The following BTBD3 variants were observed in gnomAD, a reference collection of about 807,000 sequenced individuals.
The protein encoded by BTBD3 is BTB domain containing 3, also known as BTB/POZ domain-containing protein 3.
In BTBD3, 14 loss-of-function variants were observed where a neutral mutation model predicts 41.6. The observed-to-expected ratio is 0.34, with a 90% CI of 0.22 to 0.53. The LOEUF (loss-of-function observed/expected upper bound fraction) is 0.53. Among genes scored for constraint, BTBD3 ranks in the 20% least tolerant of loss-of-function variants. The pLI, the probability that BTBD3 is intolerant of heterozygous loss-of-function variation, is 0.95. For missense variants in BTBD3, 426 were observed against 654.7 expected, an observed-to-expected ratio of 0.65 and a Z score of 3.81; for synonymous variants, 249 against 233.7, an observed-to-expected ratio of 1.07 and a Z score of -0.60.
intron 1 of BTBD3, among the ~76,000 whole-genome samples, chr20:11,900,925 A>C (rs560753668): frequency 3.0e-4 from 46 of 151,870 alleles, no homozygotes; most frequent in African/African-American, 1.1e-3. Context: ...GTTAGCCAGG[A>C]TGGTCTCGAT....
At chr20:11,921,889 AGT>A (rs1200403425) in intron 3 of BTBD3, among the ~76,000 whole-genome samples, 1 of 152,204 alleles carries the variant, frequency 6.6e-6, no homozygotes, top group Non-Finnish European at 1.5e-5. Flanking sequence ...TCTCCCAAAA[AGT>A]GTATCCTGTG....
chr20:11,911,079 A>G (rs559714100), intron 1 of BTBD3, among the ~76,000 whole-genome samples: 76 of 152,174 alleles, frequency 5.0e-4, no homozygotes, highest in Non-Finnish European at 9.1e-4. Flanking sequence ...ATTTTACCGT[A>G]TTTCACTGAC....
At chr20:11,897,970 C>T in intron 1 of BTBD3, among the ~76,000 whole-genome samples, 1 of 152,042 alleles carries the variant, frequency 6.6e-6, no homozygotes, top group Non-Finnish European at 1.5e-5. Context: ...CCAGCCCGGC[C>T]AACATGGTGA....
At chr20:11,919,230 T>C in intron 2 of BTBD3, 54 bp downstream of exon 2, 1 of 1,528,730 alleles carries the variant, frequency 6.5e-7, no homozygotes, top group Non-Finnish European at 9.0e-7. Context: ...AGAGGGACCC[T>C]TTCCATAAGC....
intron 1 of BTBD3, among the ~76,000 whole-genome samples, chr20:11,893,041 A>G (rs2056765808): frequency 6.8e-6 from 1 of 147,968 alleles, no homozygotes. Context: ...GCATCCAAAG[A>G]TCAATTTGAA....
chr20:11,904,218 TG>T (rs1243525092), intron 1 of BTBD3, among the ~76,000 whole-genome samples: 2 of 152,130 alleles, frequency 1.3e-5, no homozygotes, highest in Non-Finnish European at 2.9e-5. Flanking sequence ...GAAGCATGGC[TG>T]GGGGTGGTGC....
intron 1 of BTBD3, among the ~76,000 whole-genome samples, chr20:11,911,308 G>T (rs1019828021): frequency 6.6e-6 from 1 of 152,136 alleles, no homozygotes; most frequent in Admixed American, 6.6e-5. Context: ...TTGGGTATTG[G>T]TCATAATCAT....
rs759996580 is a variant in BTBD3, at chr20:11,923,304, A to G, written c.1207A>G (p.Lys403Glu). The change falls in exon 4 of 4, where the codon AAA becomes GAA. Residue 403 changes from lysine to glutamate, a missense_variant. Lys to Glu is a moderately conservative substitution (Grantham distance 56). Transcript: ENST00000378226. The surrounding 1 kb of genome is among the most constrained non-coding windows in gnomAD (Gnocchi z 5.3). ...RCDSIQFAVD[K>E]RVFIAGFGLY... is the part of the protein sequence containing the mutation. The stretch of plus-strand genomic sequence containing the variant: ...TGACAGCATCCAGTTTGCAGTTGAT[A>G]AAAGAGTGTTCATTGCTGGCTTTGG... The G allele has an allele frequency of 6.2e-7, 1 of 1,614,226 alleles. No homozygotes were observed.
Position 11,923,731 on chromosome 20 carries a change from T to TA in BTBD3, c.*66dup, listed in dbSNP as rs372478761. 2.1e-4 allele frequency: 304 copies of TA among 1,424,256 alleles called. No homozygotes were observed. In the African/African-American group the frequency reaches 3.7e-3, roughly 17 times the overall value. 88.2% of individuals were successfully genotyped at this position (1,424,256 alleles called of 1,614,324 possible). On this transcript the variant is annotated 3_prime_UTR_variant, in exon 4 of 4. Transcript: ENST00000378226. The surrounding 1 kb of genome is among the most constrained non-coding windows in gnomAD (Gnocchi z 5.3). ...ATCTGGTTCCAACTTGCCTGATGCT[T>TA]AGCTCATCTGCAAATATGTGATCAG...
chr20:11,906,295 C>T (rs1003688661), intron 1 of BTBD3, among the ~76,000 whole-genome samples: 7 of 42,012 alleles, frequency 1.7e-4, no homozygotes, highest in Non-Finnish European at 2.5e-4. Context: ...GACGGAGTCT[C>T]GTTCTGTAGC....
At chr20:11,919,668 G>A in intron 2 of BTBD3, 50 bp from the exon 3 acceptor site, 7 of 1,546,532 alleles carry the variant, frequency 4.5e-6, no homozygotes, top group Non-Finnish European at 6.3e-6. Context: ...TTGATTTGCT[G>A]GAAATGCCTT....
At chr20:11,918,678 A>C in intron 1 of BTBD3, 77 bp downstream of exon 1, 1 of 1,398,442 alleles carries the variant, frequency 7.2e-7, no homozygotes, top group South Asian at 1.5e-5. Flanking sequence ...CCTGTAATGT[A>C]TTTGAACACA....
chr20:11,892,713 A>C (rs748224213), intron 1 of BTBD3, among the ~76,000 whole-genome samples: 2 of 152,202 alleles, frequency 1.3e-5, no homozygotes, highest in Non-Finnish European at 2.9e-5. Flanking sequence ...AATGAAGTGG[A>C]AACAATGTTT....
intron 1 of BTBD3, among the ~76,000 whole-genome samples, chr20:11,907,444 A>C (rs995497449): frequency 2.0e-5 from 3 of 152,168 alleles, no homozygotes; most frequent in African/African-American, 7.2e-5. Flanking sequence ...CACAAGTGTG[A>C]TCTGGAGTTC....
At chr20:11,908,282 T>C (rs2056868095) in intron 1 of BTBD3, among the ~76,000 whole-genome samples, 1 of 150,874 alleles carries the variant, frequency 6.6e-6, no homozygotes, top group Admixed American at 6.6e-5. Context: ...TATGAGTTCA[T>C]ATCTCTGTTA....
At chr20:11,897,504 AAAAAAG>A (rs2056794676) in intron 1 of BTBD3, among the ~76,000 whole-genome samples, 1 of 150,960 alleles carries the variant, frequency 6.6e-6, no homozygotes, top group African/African-American at 2.4e-5. Context: ...AAAAAAAAAA[AAAAAAG>A]AACATGGAAT....
chr20:11,919,052 C>A (rs1399426295), intron 1 of BTBD3, 34 bp from the exon 2 acceptor site: 2 of 1,511,160 alleles, frequency 1.3e-6, no homozygotes, highest in African/African-American at 1.4e-5. Flanking sequence ...AAAATGCAGG[C>A]TGCTGTGAAT....
At chr20:11,918,985 C>T (rs1349908216) in intron 1 of BTBD3, 101 bp from the exon 2 acceptor site, 1 of 826,364 alleles carries the variant, frequency 1.2e-6, no homozygotes, top group Non-Finnish European at 2.0e-6. Context: ...AGTTACTGGA[C>T]TGTTGCTTAG....
In BTBD3 at chr20:11,906,365, A is replaced by G. The variant is rs145881747; in HGVS notation, c.-125-11969A>G. ...CTGCAACCTCTGCCTCCCAGGCTCA[A>G]GTATTCTCCTGCCTCAGCCTCTCAA... On this transcript the variant is annotated intron_variant, in intron 1 of 4. Coordinates refer to the BTBD3 transcript ENST00000254977. Among the ~76,000 whole-genome samples, 1,157 of 142,250 alleles carry G rather than the reference A, an allele frequency of 8.1e-3. 13 individuals are homozygous for G. The highest frequency in any genetic ancestry group is 0.032 in the Middle Eastern group (8 of 252). 93.3% of individuals were successfully genotyped at this position (142,250 alleles called of 152,430 possible).
Sources: allele counts gnomAD v4.1 joint callset (sites outside exome capture counted in the v4.1 genomes callset), GRCh38; gene constraint gnomAD v4.1.1; non-coding constraint Gnocchi (gnomAD v3.1); transcripts MANE v1.5; gene names NCBI Gene and HGNC (gene_info 2026-07-23, HGNC 2026-07-21).